The following LRP12 variants were observed in gnomAD, a reference collection of about 807,000 sequenced individuals.
LRP12 encodes LDL receptor related protein 12, also known as low-density lipoprotein receptor-related protein 12.
In LRP12, 14 loss-of-function variants were observed where a neutral mutation model predicts 66.0. The ratio of observed to expected loss-of-function variants is 0.21; its 90% CI spans 0.14 to 0.33. LRP12 has a LOEUF of 0.33. Ranked by LOEUF, LRP12 falls within the 10% of genes least tolerant of loss-of-function variation. The pLI, the probability that LRP12 is intolerant of heterozygous loss-of-function variation, is 1.00. For synonymous variants in LRP12, 357 were observed against 359.1 expected (o/e 0.99, Z 0.07); for missense variants, 889 against 1,053.4 (o/e 0.84, Z 2.16).
chr8:104,536,546 G>C (rs780254518), intron 1 of LRP12, among the ~76,000 whole-genome samples: 1 of 151,976 alleles, frequency 6.6e-6, no homozygotes, highest in African/African-American at 2.4e-5. Flanking sequence ...GTAAGTAAGA[G>C]GCATGCAGAA....
At chr8:104,542,096 C>T (rs1039360993) in intron 1 of LRP12, among the ~76,000 whole-genome samples, 1 of 152,108 alleles carries the variant, frequency 6.6e-6, no homozygotes, top group Non-Finnish European at 1.5e-5. Flanking sequence ...AATGGCAATA[C>T]CATTTTACAT....
intron 1 of LRP12, among the ~76,000 whole-genome samples, chr8:104,533,635 G>A (rs1258103188): frequency 1.3e-5 from 2 of 151,998 alleles, no homozygotes; most frequent in Non-Finnish European, 2.9e-5. Context: ...AATGTTTCCA[G>A]TATCTGTAAG....
intron 1 of LRP12, among the ~76,000 whole-genome samples, chr8:104,557,312 C>A (rs1299610340): frequency 6.6e-6 from 1 of 152,022 alleles, no homozygotes; most frequent in Non-Finnish European, 1.5e-5. Flanking sequence ...CAAAGGGCAT[C>A]CAAATTGGTA....
At chr8:104,503,557 G>A (rs1214460667) in intron 3 of LRP12, among the ~76,000 whole-genome samples, 11 of 151,946 alleles carry the variant, frequency 7.2e-5, no homozygotes, top group Admixed American at 7.2e-4. Flanking sequence ...AGAATATATT[G>A]AGTCAGGGAG....
In LRP12 at chr8:104,519,199, G is replaced by A. The variant is rs576710632; in HGVS notation, c.137-10125C>T. Among the ~76,000 whole-genome samples the A allele has an allele frequency of 1.3e-4, 20 of 152,006 alleles. No homozygotes were observed. The South Asian group carries it at 1.7e-3, about 13-fold the overall frequency. Reference sequence around the variant, plus strand: ...CTGACCCTCCAGACTCTTTAAATGGGGTTTTCTGACTCCTTGGCACCTGAG... The same window carrying A: ...CTGACCCTCCAGACTCTTTAAATGGAGTTTTCTGACTCCTTGGCACCTGAG... On this transcript the variant is annotated intron_variant, in intron 2 of 6. Coordinates refer to ENST00000276654, the MANE Select transcript of LRP12 (RefSeq NM_013437.5).
At chr8:104,547,422 A>T (rs1406915053) in intron 1 of LRP12, among the ~76,000 whole-genome samples, 2 of 136,052 alleles carry the variant, frequency 1.5e-5, no homozygotes, top group East Asian at 2.1e-4. Flanking sequence ...TTTTGTATAT[A>T]ATATACAATT....
intron 3 of LRP12, chr8:104,504,736 T>C (rs1810880158): frequency 1.3e-5 from 2 of 152,326 alleles, no homozygotes; most frequent in South Asian, 4.1e-4. Context: ...TTGAAAAGAA[T>C]GTGTATTCTT....
rs141755380 is a variant in LRP12 at position 104,491,032 on chromosome 8, G to A, written c.2221C>T (p.Arg741Cys). Residue 741 changes from arginine (R) to cysteine (C), a missense_variant, in exon 7 of 7, where the codon CGT becomes TGT. Physicochemically the swap from Arg to Cys is radical, Grantham distance 180 (BLOSUM62 -3). Transcript: ENST00000276654. ...SRMTQGLRWVRFTLGRSSSLS... is the reference protein window; with the variant it reads ...SRMTQGLRWVCFTLGRSSSLS... Reference sequence around the variant, plus strand: ...GAACTTGATCGTCCTAATGTAAAACGTACCCAGCGTAGCCCCTGAGTCATA... The same window carrying A: ...GAACTTGATCGTCCTAATGTAAAACATACCCAGCGTAGCCCCTGAGTCATA... The A allele has an allele frequency of 1.3e-4, 216 of 1,614,070 alleles. No individual in the cohort carries two copies. Among genetic ancestry groups the A allele is most frequent in the Non-Finnish European group, 1.7e-4 (200 of 1,180,016 alleles).
intron 1 of LRP12, among the ~76,000 whole-genome samples, chr8:104,573,031 C>T (rs574964320): frequency 9.2e-5 from 14 of 152,238 alleles, no homozygotes; most frequent in East Asian, 3.9e-4. Context: ...TAAGTTGAAT[C>T]GTATACAAAT....
Position 104,497,542 on chromosome 8 carries a change from G to C in LRP12, c.1010C>G (p.Ser337Cys), listed in dbSNP as rs769204503. 1.4e-5 allele frequency: 22 copies of C among 1,613,860 alleles called. No homozygotes were observed. The highest frequency in any genetic ancestry group is 1.5e-5 in the Non-Finnish European group (18 of 1,179,950). Reference protein sequence around the residue: ...KLLRVLTAFDSHAPLTVVSSS... With the variant: ...KLLRVLTAFDCHAPLTVVSSS... ...AGAAACAACTGTAAGAGGTGCATGA[G>C]AATCAAAAGCTGTCAACACACGCAA... Residue 337 changes from serine (S) to cysteine (C), a missense_variant, in exon 5 of 7, where the codon TCT becomes TGT. Physicochemically the swap from Ser to Cys is moderately radical, Grantham distance 112 (BLOSUM62 -1). Transcript: ENST00000276654. The surrounding 1 kb of genome is among the most constrained non-coding windows in gnomAD (Gnocchi z 4.3).
chr8:104,500,866 T>A (rs74522178), intron 3 of LRP12, among the ~76,000 whole-genome samples: 1 of 152,208 alleles, frequency 6.6e-6, no homozygotes, highest in Admixed American at 6.5e-5. Context: ...TGGAAAAACA[T>A]GTTTATACGA....
At chr8:104,587,883 C>T (rs1293627716) in intron 1 of LRP12, among the ~76,000 whole-genome samples, 1 of 152,226 alleles carries the variant, frequency 6.6e-6, no homozygotes, top group East Asian at 1.9e-4. Flanking sequence ...TAAAACTGAG[C>T]TCTCTGAAAT....
chr8:104,588,314 C>T (rs1029464325), intron 1 of LRP12, among the ~76,000 whole-genome samples: 2 of 152,174 alleles, frequency 1.3e-5, no homozygotes, highest in Non-Finnish European at 2.9e-5. Flanking sequence ...GAGAAGTCAG[C>T]GGGAAGCCTT....
At chr8:104,535,776 A>T (rs1396762944) in intron 1 of LRP12, among the ~76,000 whole-genome samples, 1 of 152,014 alleles carries the variant, frequency 6.6e-6, no homozygotes, top group Non-Finnish European at 1.5e-5. Context: ...TCTTAAAAAG[A>T]TTTCAGGTTC....
chr8:104,557,859 G>C (rs1243674117), intron 1 of LRP12, among the ~76,000 whole-genome samples: 2 of 152,170 alleles, frequency 1.3e-5, no homozygotes, highest in Non-Finnish European at 2.9e-5. Flanking sequence ...CACATGACCT[G>C]ACTTCAAACT....
rs1810578197 is a variant in LRP12 at position 104,489,257 on chromosome 8, AT to A, written c.*1415del. The A allele has an allele frequency of 6.6e-6, 1 of 152,568 alleles. No individual in the cohort carries two copies. Among genetic ancestry groups the A allele is most frequent in the Admixed American group, 6.5e-5 (1 of 15,280 alleles). The allele number at this position is 152,568 out of a possible 1,614,324, so 9.5% of individuals were successfully genotyped here. A position where few individuals can be genotyped will look rare whatever the true frequency, so the allele number is the denominator to read the frequency against. ...TTGATTTAAAAAGTACCTCAAGGCA[AT>A]AAAAAAAATCATTTTAATTTTTGAT... On this transcript the variant is annotated 3_prime_UTR_variant, in exon 7 of 7. Coordinates refer to ENST00000276654, the MANE Select transcript of LRP12 (RefSeq NM_013437.5).
chr8:104,575,496 C>T (rs1024310323), intron 1 of LRP12, among the ~76,000 whole-genome samples: 5 of 152,260 alleles, frequency 3.3e-5, no homozygotes, highest in East Asian at 3.9e-4. Context: ...AAGAGCAAGC[C>T]GTCCAGGAGT....
intron 1 of LRP12, among the ~76,000 whole-genome samples, chr8:104,570,696 CTT>C (rs1441352838): frequency 6.6e-6 from 1 of 152,028 alleles, no homozygotes; most frequent in Non-Finnish European, 1.5e-5. Flanking sequence ...AGAAGGAAAC[CTT>C]TCTAATCTGG....
intron 2 of LRP12, among the ~76,000 whole-genome samples, chr8:104,520,039 A>AT (rs914257762): frequency 1.5e-4 from 23 of 151,656 alleles, no homozygotes; most frequent in African/African-American, 4.9e-4. Flanking sequence ...AGGCAAAAAT[A>AT]TAAAGAGAGA....
Sources: allele counts gnomAD v4.1 joint callset (sites outside exome capture counted in the v4.1 genomes callset), GRCh38; gene constraint gnomAD v4.1.1; non-coding constraint Gnocchi (gnomAD v3.1); transcripts MANE v1.5; gene names NCBI Gene and HGNC (gene_info 2026-07-23, HGNC 2026-07-21).